Variants in HMCN2 observed in about 807,000 individuals in gnomAD.
HMCN2 encodes the protein hemicentin 2.
In HMCN2, 325 loss-of-function variants were observed where a neutral mutation model predicts 377.5. The observed-to-expected ratio is 0.86, with a 90% confidence interval of 0.79 to 0.94. The LOEUF is 0.94. Ranked by LOEUF, HMCN2 falls within the 40% of genes least tolerant of loss-of-function variation. The pLI is 0.00. For missense variants in HMCN2, 4,543 were observed against 4,725.3 expected (o/e 0.96, Z 1.13); for synonymous variants, 2,007 against 2,046.8 (o/e 0.98, Z 0.53).
chr9:130,306,501 G>A (rs577708136), intron 12 of HMCN2, among the ~76,000 whole-genome samples: 5 of 150,892 alleles, frequency 3.3e-5, no homozygotes, highest in African/African-American at 9.8e-5. Flanking sequence ...CCCAAATCCC[G>A]CCCCCACCAT....
chr9:130,383,228 C>T (rs1841825364), intron 56 of HMCN2, among the ~76,000 whole-genome samples: 2 of 150,552 alleles, frequency 1.3e-5, no homozygotes, highest in Non-Finnish European at 2.9e-5. Context: ...TGCGGGGACC[C>T]TGGGAGCCCA....
chr9:130,406,362 A>G, intron 82 of HMCN2, 194 bp downstream of exon 82: 1 of 386,194 alleles, frequency 2.6e-6, no homozygotes, highest in South Asian at 2.0e-5. Flanking sequence ...GACAAGCCAT[A>G]TATCAGAGCT....
At chr9:130,276,913 C>T (rs1834725652) in intron 1 of HMCN2, among the ~76,000 whole-genome samples, 1 of 152,170 alleles carries the variant, frequency 6.6e-6, no homozygotes, top group Non-Finnish European at 1.5e-5. Context: ...ATATGTGGAT[C>T]CAGGGCTGGC....
chr9:130,387,574 C>T (rs28680216), intron 61 of HMCN2, among the ~76,000 whole-genome samples: 10,597 of 152,266 alleles, frequency 0.07, 753 homozygotes, highest in African/African-American at 0.18. Flanking sequence ...CATTAGTGAG[C>T]GCTCAGGCAG....
chr9:130,433,135 AGGCC>A, intron 97 of HMCN2: 1 of 485,120 alleles, frequency 2.1e-6, no homozygotes, highest in Non-Finnish European at 3.6e-6. Flanking sequence ...ATGAAAGGGC[AGGCC>A]TCTGGCTTCT....
chr9:130,433,549 T>C lies in HMCN2; in HGVS notation c.15096T>C (p.Arg5032=), dbSNP rs1468791033. 1 of 1,470,298 alleles carries C rather than the reference T, an allele frequency of 6.8e-7. No individual in the cohort carries two copies. Among genetic ancestry groups the C allele is most frequent in the Non-Finnish European group, 9.0e-7 (1 of 1,117,046 alleles). 91.1% of individuals were successfully genotyped at this position (1,470,298 alleles called of 1,614,324 possible). A position where few individuals can be genotyped will look rare whatever the true frequency, so the allele number is the denominator to read the frequency against. ...EPDPRSPFAL[R]PLRAGLGAVY... The stretch of plus-strand genomic sequence containing the variant: ...ACCCCCGCAGCCCCTTCGCGCTGCG[T>C]CCGCTGCGCGCGGGCCTTGGCGCGG... The change falls in exon 98 of 98, where the codon CGT becomes CGC. Residue 5032 remains arginine, a synonymous_variant. Coordinates refer to ENST00000683500, the MANE Select transcript of HMCN2 (RefSeq NM_001291815.2).
intron 34 of HMCN2, among the ~76,000 whole-genome samples, chr9:130,357,477 G>A (rs909816498): frequency 6.6e-6 from 1 of 150,412 alleles, no homozygotes; most frequent in African/African-American, 2.4e-5. Flanking sequence ...TGGATGGAAG[G>A]GTGAGTGGGT....
intron 54 of HMCN2, among the ~76,000 whole-genome samples, chr9:130,381,107 T>G (rs1016198091): frequency 1.3e-5 from 2 of 152,132 alleles, no homozygotes; most frequent in Admixed American, 6.5e-5. Context: ...TGTTCTCTAA[T>G]CCTGAGAAAA....
chr9:130,368,452 C>T lies in HMCN2; in HGVS notation c.6787+15C>T, dbSNP rs529890337. 148 of 985,624 alleles carry T rather than the reference C, an allele frequency of 1.5e-4. No individual in the cohort carries two copies. The highest frequency in any genetic ancestry group is 1.0e-3 in the Middle Eastern group (2 of 1,934). The allele number at this position is 985,624 out of a possible 1,614,324, so 61.1% of individuals were successfully genotyped here. A position where few individuals can be genotyped will look rare whatever the true frequency, so the allele number is the denominator to read the frequency against. On this transcript the variant is annotated intron_variant, in intron 44 of 97. Transcript: ENST00000683500. ...GGAGGTGCACGGTGGGTGAGCTGGG[C>T]GGGGGCTGGAAGGGTCTGGGATCAT...
chr9:130,309,514 C>CAAAAAAA (rs143190808), intron 14 of HMCN2, among the ~76,000 whole-genome samples: 1 of 72,382 alleles, frequency 1.4e-5, no homozygotes, highest in Admixed American at 1.6e-4. Context: ...GACTCTGTCT[C>CAAAAAAA]AAAAAAAAAA....
intron 76 of HMCN2, 67 bp downstream of exon 76, chr9:130,399,699 T>G: frequency 1.7e-6 from 2 of 1,146,966 alleles, no homozygotes; most frequent in Non-Finnish European, 2.3e-6. Flanking sequence ...TCTTGGGTGC[T>G]CTCCCTGCCA....
chr9:130,307,635 G>T (rs985307063), intron 14 of HMCN2, 69 bp downstream of exon 14: 5 of 469,110 alleles, frequency 1.1e-5, no homozygotes, highest in African/African-American at 2.0e-5. Flanking sequence ...GGAGGTGGGG[G>T]TGTCCTGAAT....
chr9:130,335,575 AG>A (rs1838701048), intron 22 of HMCN2, among the ~76,000 whole-genome samples: 1 of 152,104 alleles, frequency 6.6e-6, no homozygotes, highest in African/African-American at 2.4e-5. Context: ...AAGGCAGTTT[AG>A]GTGACCTGGA....
At chr9:130,307,201 G>A (rs750424384) in intron 13 of HMCN2, among the ~76,000 whole-genome samples, 17 of 152,114 alleles carry the variant, frequency 1.1e-4, no homozygotes, top group Non-Finnish European at 1.8e-4. Context: ...GGGGGCGAGG[G>A]AGAAGCGGCT....
chr9:130,340,858 G>C (rs1839008843), intron 23 of HMCN2, among the ~76,000 whole-genome samples: 1 of 152,224 alleles, frequency 6.6e-6, no homozygotes, highest in Non-Finnish European at 1.5e-5. Context: ...ACATTGGCGA[G>C]GGCAGAGGGA....
Position 130,379,445 on chromosome 9 carries a change from G to A in HMCN2, c.8409G>A (p.Gly2803=), listed in dbSNP as rs1046522316. Residue 2803 remains glycine (G), a synonymous_variant, in exon 54 of 98, where the codon GGG becomes GGA. Coordinates refer to ENST00000683500, the MANE Select transcript of HMCN2 (RefSeq NM_001291815.2). The part of the protein sequence containing the change: ...WYREDQPLSA[G]DEVSVLQGGR... ...GAGAGGATCAGCCCCTCTCGGCCGG[G>A]GATGAGGTGTCTGTGCTGCAAGGTG... 26 of 985,798 alleles carry A rather than the reference G, an allele frequency of 2.6e-5. No individual in the cohort carries two copies. The East Asian group carries it at 3.4e-4, about 13-fold the overall frequency. 61.1% of individuals were successfully genotyped at this position (985,798 alleles called of 1,614,324 possible).
At position 130,308,806 on chromosome 9, in the gene HMCN2, A is replaced by AG. The variant is rs1247353246; in HGVS notation, c.2201-1104dup. 6.6e-6 allele frequency among the ~76,000 whole-genome samples: 1 copy of AG among 152,242 alleles called. No homozygotes were observed. Among genetic ancestry groups the AG allele is most frequent in the East Asian group, 1.9e-4 (1 of 5,198 alleles). On this transcript the variant is annotated intron_variant, in intron 14 of 97. Coordinates refer to ENST00000683500, the MANE Select transcript of HMCN2 (RefSeq NM_001291815.2). The surrounding 1 kb of genome is among the most constrained non-coding windows in gnomAD (Gnocchi z 4.1). ...ACACGTGCTACATGGATGTCCTGCT[A>AG]GGTGGACGCTATTCTAGGTGAAGTC...
intron 43 of HMCN2, among the ~76,000 whole-genome samples, chr9:130,367,402 C>T (rs1422499270): frequency 6.6e-6 from 1 of 152,098 alleles, no homozygotes; most frequent in African/African-American, 2.4e-5. Flanking sequence ...GGGTCTGCTT[C>T]CCTGATGGGA....
intron 1 of HMCN2, among the ~76,000 whole-genome samples, chr9:130,266,948 A>T (rs540565052): frequency 8.5e-6 from 1 of 117,192 alleles, no homozygotes; most frequent in East Asian, 7.2e-4. Context: ...TGCTTTCCAC[A>T]CTTCTTTTTT....
Sources: gnomAD v4.1 joint callset for allele counts (sites outside exome capture counted in the v4.1 genomes callset) on GRCh38, gnomAD v4.1.1 for gene constraint, Gnocchi (gnomAD v3.1) non-coding constraint, MANE v1.5 for transcripts, NCBI Gene and HGNC (gene_info 2026-07-23, HGNC 2026-07-21) for gene names.